The following ASF1B variants were observed in gnomAD, a reference collection of about 807,000 sequenced individuals.
The protein encoded by ASF1B is histone chaperone ASF1B.
ASF1B carries 10 observed loss-of-function variants against 16.6 expected under a neutral mutation model. The ratio of observed to expected loss-of-function variants is 0.60; its 90% CI spans 0.37 to 1.02. The LOEUF (loss-of-function observed/expected upper bound fraction) is 1.02, where lower values mean the gene tolerates loss of function less well. ASF1B is among the 50% of genes least tolerant of loss of function. The pLI is 0.01. For missense variants in ASF1B, 240 were observed against 266.0 expected (o/e 0.90, Z 0.68); for synonymous variants, 101 against 106.2 (o/e 0.95, Z 0.30).
At chr19:14,126,073 G>T in intron 2 of ASF1B, 49 bp downstream of exon 2, 1 of 1,392,106 alleles carries the variant, frequency 7.2e-7, no homozygotes, top group Non-Finnish European at 9.8e-7. Context: ...GGTAAAAGAG[G>T]ATGTTTCTAG....
At chr19:14,132,869 C>T (rs936401170) in intron 1 of ASF1B, among the ~76,000 whole-genome samples, 3 of 151,846 alleles carry the variant, frequency 2.0e-5, no homozygotes, top group Admixed American at 1.3e-4. Flanking sequence ...CGGTGGCTCA[C>T]GCCTGTAATC....
intron 2 of ASF1B, among the ~76,000 whole-genome samples, chr19:14,123,675 G>A (rs988189259): frequency 2.0e-5 from 3 of 151,518 alleles, no homozygotes; most frequent in African/African-American, 7.3e-5. Flanking sequence ...CCACTGCACC[G>A]GCCTTCTTTT....
chr19:14,120,148 C>T lies in ASF1B; in HGVS notation c.*311G>A, dbSNP rs1376545020. Reference sequence around the variant, plus strand: ...TGGGCCAGGGAGGTCTGTGGGAAAGCTTTGGATCAATGGTACTCAAGGGTG... The same window carrying T: ...TGGGCCAGGGAGGTCTGTGGGAAAGTTTTGGATCAATGGTACTCAAGGGTG... On this transcript the variant is annotated 3_prime_UTR_variant, in exon 4 of 4. Coordinates refer to ENST00000263382, the MANE Select transcript of ASF1B (RefSeq NM_018154.3). The T allele has an allele frequency of 3.4e-6, 1 of 298,190 alleles. No homozygotes were observed. The highest frequency in any genetic ancestry group is 4.1e-5 in the South Asian group (1 of 24,352). 18.5% of individuals were successfully genotyped at this position (298,190 alleles called of 1,614,324 possible).
chr19:14,130,802 T>TAA, intron 1 of ASF1B, among the ~76,000 whole-genome samples: 1 of 150,152 alleles, frequency 6.7e-6, no homozygotes, highest in Non-Finnish European at 1.5e-5. Flanking sequence ...TATATATATA[T>TAA]ATATATATAA....
chr19:14,133,724 TATAAATAAGTTAGTAA>T (rs1967441517), intron 1 of ASF1B, among the ~76,000 whole-genome samples: 1 of 151,590 alleles, frequency 6.6e-6, no homozygotes, highest in Non-Finnish European at 1.5e-5. Flanking sequence ...GCTCTAATTC[TATAAATAAGTTAGTAA>T]AGTCACAGGG....
At chr19:14,124,611 G>A (rs761859125) in intron 2 of ASF1B, among the ~76,000 whole-genome samples, 7 of 152,126 alleles carry the variant, frequency 4.6e-5, no homozygotes, top group Admixed American at 6.6e-5. Context: ...TTGCAGACAT[G>A]CACAGAGCAG....
At chr19:14,131,388 G>A (rs1212902278) in intron 1 of ASF1B, among the ~76,000 whole-genome samples, 2 of 151,254 alleles carry the variant, frequency 1.3e-5, no homozygotes, top group Non-Finnish European at 2.9e-5. Context: ...TCACCACGTC[G>A]GTTAGGCTGG....
intron 2 of ASF1B, among the ~76,000 whole-genome samples, chr19:14,123,047 G>T (rs766574394): frequency 6.6e-6 from 1 of 152,204 alleles, no homozygotes; most frequent in Admixed American, 6.5e-5. Flanking sequence ...GACCAGCCAC[G>T]TAATTGGTGC....
chr19:14,136,506 G>C lies in ASF1B; in HGVS notation c.-50C>G, dbSNP rs745566942. 2 of 1,567,390 alleles carry C rather than the reference G, an allele frequency of 1.3e-6. No homozygotes were observed. The highest frequency in any genetic ancestry group is 2.7e-5 in the African/African-American group (2 of 74,044). ...AGGGGCAGGGGCTGTGGCTGTGGCG[G>C]AGGCCGCGCCTGGGTCCGGTGGGGT... On this transcript the variant is annotated 5_prime_UTR_variant, in exon 1 of 4. Transcript: ENST00000263382.
At chr19:14,136,318 G>C in intron 1 of ASF1B, 30 bp downstream of exon 1, 1 of 1,594,862 alleles carries the variant, frequency 6.3e-7, no homozygotes, top group Non-Finnish European at 8.6e-7. Context: ...CGGCCCGGGG[G>C]TGGGGGTCCC....
chr19:14,121,275 AT>A (rs71170594), intron 3 of ASF1B: 37,641 of 297,270 alleles, frequency 0.13, 12 homozygotes, highest in East Asian at 0.17. Flanking sequence ...TGTCTGGCTC[AT>A]TTTTTTTTTT....
intron 2 of ASF1B, among the ~76,000 whole-genome samples, chr19:14,124,076 G>A (rs1967282785): frequency 6.6e-6 from 1 of 152,088 alleles, no homozygotes; most frequent in African/African-American, 2.4e-5. Context: ...ACAGGTGTGA[G>A]CCATGGCACC....
chr19:14,136,342 C>T lies in ASF1B; in HGVS notation c.109+6G>A, dbSNP rs771545875. On this transcript the variant is annotated splice_donor_region_variant and intron_variant, in intron 1 of 3. Transcript: ENST00000263382. ...GGTGGGGGTCCCCGCACAGGCCCAGCCTCACCGTCCGCCAGGGCTTCACTG... is the reference window on the plus strand; with the variant it reads ...GGTGGGGGTCCCCGCACAGGCCCAGTCTCACCGTCCGCCAGGGCTTCACTG... The T allele has an allele frequency of 6.2e-7, 1 of 1,612,262 alleles. No homozygotes were observed. Among genetic ancestry groups the T allele is most frequent in the South Asian group, 1.1e-5 (1 of 90,958 alleles).
At chr19:14,132,850 C>G (rs2420414) in intron 1 of ASF1B, among the ~76,000 whole-genome samples, 29,100 of 151,012 alleles carry the variant, frequency 0.19, 3,521 homozygotes, top group African/African-American at 0.35. Flanking sequence ...CATAATCATA[C>G]GACGGGCACG....
chr19:14,119,733 G>A lies in ASF1B; in HGVS notation c.*726C>T, dbSNP rs569680202. The A allele has an allele frequency of 6.5e-6, 1 of 152,772 alleles. No homozygotes were observed. Among genetic ancestry groups the A allele is most frequent in the Admixed American group, 6.5e-5 (1 of 15,300 alleles). 9.5% of individuals were successfully genotyped at this position (152,772 alleles called of 1,614,324 possible). On this transcript the variant is annotated 3_prime_UTR_variant, in exon 4 of 4. Coordinates refer to ENST00000263382, the MANE Select transcript of ASF1B (RefSeq NM_018154.3). The stretch of plus-strand genomic sequence containing the variant: ...AGAGGACAGGTTAAGGCTGCCAGAG[G>A]CAGAGGGTCCCTGACCCTGGCCCGG...
chr19:14,123,536 G>C (rs755269746), intron 2 of ASF1B, among the ~76,000 whole-genome samples: 10 of 151,368 alleles, frequency 6.6e-5, no homozygotes, highest in Non-Finnish European at 1.3e-4. Flanking sequence ...CCCGCCACCA[G>C]GCCTGGCTAA....
intron 2 of ASF1B, among the ~76,000 whole-genome samples, chr19:14,122,658 C>T (rs1046929531): frequency 1.8e-4 from 28 of 152,192 alleles, no homozygotes; most frequent in Admixed American, 1.6e-3. Flanking sequence ...CTGTGCCCAG[C>T]CAGGAGTTGT....
At chr19:14,131,129 T>C (rs534100655) in intron 1 of ASF1B, among the ~76,000 whole-genome samples, 6 of 151,810 alleles carry the variant, frequency 4.0e-5, no homozygotes, top group Admixed American at 3.9e-4. Context: ...CCACCTGCCT[T>C]GGTCTCCCAA....
chr19:14,127,968 AG>A (rs1322426422), intron 1 of ASF1B, among the ~76,000 whole-genome samples: 2 of 152,146 alleles, frequency 1.3e-5, no homozygotes, highest in African/African-American at 2.4e-5. Flanking sequence ...CCCATCCAGC[AG>A]GAGGGCCCCC....
Sources: gnomAD v4.1 joint callset for allele counts (sites outside exome capture counted in the v4.1 genomes callset) on GRCh38, gnomAD v4.1.1 for gene constraint, MANE v1.5 for transcripts, NCBI Gene and HGNC (gene_info 2026-07-23, HGNC 2026-07-21) for gene names.